TENM1: variants seen among roughly 807,000 people sequenced by gnomAD.
The protein encoded by TENM1 is teneurin transmembrane protein 1.
A neutral mutation model predicts 174.8 loss-of-function variants in TENM1; 35 were observed. The observed-to-expected ratio is 0.20, with a 90% confidence interval of 0.15 to 0.27. The LOEUF (loss-of-function observed/expected upper bound fraction) is 0.27, where lower values mean the gene tolerates loss of function less well. Among genes scored for constraint, TENM1 ranks in the 10% least tolerant of loss-of-function variants. TENM1 has a pLI of 1.00. For synonymous variants in TENM1, 781 were observed against 798.7 expected (o/e 0.98, Z 0.37); for missense variants, 1,633 against 2,130.1 (o/e 0.77, Z 4.59).
At chrX:124,854,706 C>A (rs2056782497) in intron 3 of TENM1, among the ~76,000 whole-genome samples, 1 of 111,466 alleles carries the variant, frequency 9.0e-6, no homozygotes, top group Non-Finnish European at 1.9e-5. Flanking sequence ...TAAATACTAT[C>A]TGGGAAAGAA....
chrX:125,007,586 A>T, the TENM1 span, among the ~76,000 whole-genome samples: 4 of 111,281 alleles, frequency 3.6e-5, no homozygotes, highest in South Asian at 7.7e-4. Flanking sequence ...TAATCTTCAG[A>T]TTTTCCAAGG....
At chrX:125,090,974 G>T in the TENM1 span, among the ~76,000 whole-genome samples, 1 of 111,540 alleles carries the variant, frequency 9.0e-6, no homozygotes, top group Admixed American at 9.5e-5. Context: ...ACATATTTTA[G>T]ATTTTAATTT....
chrX:124,858,769 T>G (rs1161005573), intron 3 of TENM1, among the ~76,000 whole-genome samples: 1 of 111,459 alleles, frequency 9.0e-6, no homozygotes, highest in Non-Finnish European at 1.9e-5. Flanking sequence ...ATACGATATC[T>G]GAAGCAAAGC....
chrX:124,409,723 T>C (rs868832442), intron 25 of TENM1, among the ~76,000 whole-genome samples: 3 of 104,141 alleles, frequency 2.9e-5, no homozygotes, highest in Admixed American at 1.0e-4. Flanking sequence ...TATACACCAA[T>C]AACAGACAAA....
chrX:125,050,641 T>C, the TENM1 span, among the ~76,000 whole-genome samples: 3 of 111,824 alleles, frequency 2.7e-5, no homozygotes, highest in African/African-American at 9.7e-5. Context: ...TGTGTCTTTA[T>C]AGCAGCATGA....
chrX:124,574,944 C>T (rs1458608134), intron 11 of TENM1, among the ~76,000 whole-genome samples: 1 of 111,877 alleles, frequency 8.9e-6, no homozygotes, highest in Non-Finnish European at 1.9e-5. Flanking sequence ...GATTTCAACT[C>T]CTTCCATTTC....
chrX:124,801,610 G>A (rs1286653313), intron 3 of TENM1, among the ~76,000 whole-genome samples: 1 of 111,949 alleles, frequency 8.9e-6, no homozygotes, highest in East Asian at 2.8e-4. Flanking sequence ...TGTTATGTGT[G>A]AATTTGATTC....
chrX:124,520,494 T>C, intron 18 of TENM1, 23 bp downstream of exon 21: 1 of 1,175,226 alleles, frequency 8.5e-7, no homozygotes, highest in Non-Finnish European at 1.2e-6. Flanking sequence ...TACTGCTATT[T>C]ACATATAATT....
chrX:124,619,431 T>TA (rs2050466674), intron 11 of TENM1, among the ~76,000 whole-genome samples: 1 of 112,262 alleles, frequency 8.9e-6, no homozygotes. Flanking sequence ...TTTAGACTGT[T>TA]ATGTAACATA....
intron 21 of TENM1, among the ~76,000 whole-genome samples, chrX:124,486,248 T>C (rs1247802319): frequency 8.9e-6 from 1 of 112,520 alleles, no homozygotes; most frequent in Non-Finnish European, 1.9e-5. Context: ...TTAGGTTTAC[T>C]ATCACCTTTT....
At chrX:125,140,892 C>A in the TENM1 span, among the ~76,000 whole-genome samples, 1 of 112,054 alleles carries the variant, frequency 8.9e-6, no homozygotes, top group African/African-American at 3.2e-5. Context: ...CTGAATGGAA[C>A]AATCTAACTT....
intron 1 of TENM1, among the ~76,000 whole-genome samples, chrX:124,930,208 T>A (rs903810934): frequency 8.9e-6 from 1 of 112,132 alleles, no homozygotes; most frequent in Non-Finnish European, 1.9e-5. Context: ...CAATTGACAC[T>A]TTAAGAATGT....
At chrX:124,551,658 C>T (rs903609102) in intron 14 of TENM1, among the ~76,000 whole-genome samples, 1 of 111,267 alleles carries the variant, frequency 9.0e-6, no homozygotes, top group Non-Finnish European at 1.9e-5. Flanking sequence ...TGAGTTTATA[C>T]ATATGTGTAA....
At chrX:124,377,997 T>G (rs1450993555) in exon 32 of TENM1, 1 of 111,451 alleles carries the variant, frequency 9.0e-6, no homozygotes, top group Non-Finnish European at 1.9e-5. Flanking sequence ...GTTTTGTTTT[T>G]TTTTTCTTTC....
At chrX:124,757,029 G>C (rs2148595580) in intron 3 of TENM1, among the ~76,000 whole-genome samples, 1 of 112,349 alleles carries the variant, frequency 8.9e-6, no homozygotes, top group East Asian at 2.8e-4. Context: ...AAAGCTGTCA[G>C]ACAGGGACAT....
chrX:125,193,021 T>C, the TENM1 span, among the ~76,000 whole-genome samples: 2 of 111,203 alleles, frequency 1.8e-5, no homozygotes, highest in African/African-American at 6.5e-5. Context: ...TCTTGTGAAT[T>C]ATTTTTTCAT....
intron 22 of TENM1, among the ~76,000 whole-genome samples, chrX:124,464,538 A>G (rs1307275994): frequency 1.8e-5 from 2 of 112,201 alleles, no homozygotes; most frequent in African/African-American, 6.5e-5. Context: ...GTGCTAGAAG[A>G]GAAGTTCACA....
At chrX:124,508,804 G>C (rs2047511274) in intron 18 of TENM1, among the ~76,000 whole-genome samples, 1 of 111,807 alleles carries the variant, frequency 8.9e-6, no homozygotes, top group South Asian at 3.7e-4. Flanking sequence ...TAACATTTGT[G>C]AGTGCCTTTG....
At chrX:124,776,820 T>G (rs1192968713) in intron 3 of TENM1, among the ~76,000 whole-genome samples, 1 of 111,477 alleles carries the variant, frequency 9.0e-6, no homozygotes, top group Non-Finnish European at 1.9e-5. Context: ...TCACTTTCAG[T>G]GATAGTCTGC....
Sources: allele counts gnomAD v4.1 joint callset (sites outside exome capture counted in the v4.1 genomes callset), GRCh38; gene constraint gnomAD v4.1.1; transcripts MANE v1.5; gene names NCBI Gene and HGNC (gene_info 2026-07-23, HGNC 2026-07-21).